Variants in CNKSR2 observed in about 807,000 individuals in gnomAD.
The protein encoded by CNKSR2 is CNK homolog protein 2.
A neutral mutation model predicts 84.4 loss-of-function variants in CNKSR2; 14 were observed. The observed-to-expected ratio is 0.17, with a 90% CI of 0.11 to 0.26. The LOEUF (loss-of-function observed/expected upper bound fraction) is 0.26, where lower values mean the gene tolerates loss of function less well. Ranked by LOEUF, CNKSR2 falls within the 10% of genes least tolerant of loss-of-function variation. The pLI is 1.00. For missense variants in CNKSR2, 485 were observed against 771.2 expected, an observed-to-expected ratio of 0.63 and a Z score of 4.40; for synonymous variants, 275 against 277.9, an observed-to-expected ratio of 0.99 and a Z score of 0.10.
rs1009235736 is a variant in CNKSR2 at position 21,414,195 on chromosome X, C to T, written c.65-12302C>T. Among the ~76,000 whole-genome samples, 38 of 110,953 alleles carry T rather than the reference C, an allele frequency of 3.4e-4. 2 individuals are homozygous for T. The highest frequency in any genetic ancestry group is 9.5e-5 in the Non-Finnish European group (5 of 52,857). On this transcript the variant is annotated intron_variant, in intron 1 of 21. Transcript: ENST00000379510. ...AATTTACATTCCCACCAACAGTATA[C>T]GAGGGTTGCCTTTTCTCCACATCCT...
At chrX:21,456,004 C>T (rs899839287) in intron 4 of CNKSR2, among the ~76,000 whole-genome samples, 1 of 111,031 alleles carries the variant, frequency 9.0e-6, no homozygotes, top group Admixed American at 9.6e-5. Flanking sequence ...GTAGTCTTTC[C>T]TTCCTTAACA....
chrX:21,378,769 G>A (rs777741525), intron 1 of CNKSR2, among the ~76,000 whole-genome samples: 1 of 110,718 alleles, frequency 9.0e-6, no homozygotes, highest in African/African-American at 3.3e-5. Flanking sequence ...TAATCTCTCT[G>A]GGTCAAATAA....
chrX:21,497,546 A>G (rs1253593075), intron 6 of CNKSR2, among the ~76,000 whole-genome samples: 1 of 111,550 alleles, frequency 9.0e-6, no homozygotes, highest in Non-Finnish European at 1.9e-5. Flanking sequence ...CTCACAGGCA[A>G]TTCACTTATC....
chrX:21,622,375 G>A (rs184099680), intron 20 of CNKSR2, among the ~76,000 whole-genome samples: 93 of 110,638 alleles, frequency 8.4e-4, no homozygotes, highest in African/African-American at 2.9e-3. Context: ...CTTAAACTAA[G>A]GCTTGTTCTA....
chrX:21,379,339 T>C (rs1249779883), intron 1 of CNKSR2, among the ~76,000 whole-genome samples: 2 of 112,583 alleles, frequency 1.8e-5, no homozygotes, highest in Non-Finnish European at 3.8e-5. Context: ...TGGCAGGAAC[T>C]GCAAATAAGC....
At chrX:21,459,835 C>T (rs906657259) in intron 4 of CNKSR2, among the ~76,000 whole-genome samples, 6 of 110,947 alleles carry the variant, frequency 5.4e-5, no homozygotes, top group Non-Finnish European at 9.4e-5. Flanking sequence ...ATCTAAACTC[C>T]TCACATTGTC....
chrX:21,436,509 A>G (rs913498897), intron 3 of CNKSR2, among the ~76,000 whole-genome samples: 2 of 110,802 alleles, frequency 1.8e-5, no homozygotes, highest in South Asian at 7.8e-4. Flanking sequence ...AATTTTTAAG[A>G]TTTAAATAGG....
chrX:21,520,060 T>C (rs2091767531), intron 9 of CNKSR2, among the ~76,000 whole-genome samples: 1 of 111,470 alleles, frequency 9.0e-6, no homozygotes, highest in South Asian at 3.7e-4. Context: ...TGAATTTTGA[T>C]TTGGATTTTC....
chrX:21,397,265 G>T (rs2090133521), intron 1 of CNKSR2, among the ~76,000 whole-genome samples: 1 of 111,303 alleles, frequency 9.0e-6, no homozygotes, highest in South Asian at 3.7e-4. Context: ...GGTTTGCTGT[G>T]CTGAATAATT....
chrX:21,437,419 GT>G lies in CNKSR2; in HGVS notation c.432-3255del, dbSNP rs749717203. Among the ~76,000 whole-genome samples the G allele has an allele frequency of 8.0e-3, 695 of 86,499 alleles. 3 individuals are homozygous for G. The highest frequency in any genetic ancestry group is 0.037 in the East Asian group (101 of 2,715). The allele number at this position is 86,499 out of a possible 115,157, so 75.1% of individuals were successfully genotyped here. A position where few individuals can be genotyped will look rare whatever the true frequency, so the allele number is the denominator to read the frequency against. On this transcript the variant is annotated intron_variant, in intron 3 of 21. Transcript: ENST00000379510. ...ATGCAGCAAAAATGGTCTCTATGTA[GT>G]TTTTTTTTTTTTTTTTTTTGAGACA...
intron 20 of CNKSR2, among the ~76,000 whole-genome samples, chrX:21,610,460 T>C (rs1012068039): frequency 1.8e-5 from 2 of 112,181 alleles, no homozygotes; most frequent in Admixed American, 9.5e-5. Context: ...AGAAAGAAAA[T>C]CTAGGTTTGG....
At chrX:21,545,955 C>A (rs1214964726) in intron 11 of CNKSR2, among the ~76,000 whole-genome samples, 1 of 111,733 alleles carries the variant, frequency 8.9e-6, no homozygotes, top group African/African-American at 3.3e-5. Context: ...GATAAATCCA[C>A]GAAGATGAAG....
In CNKSR2 at chrX:21,514,083, G is replaced by C. The variant is rs757047647; in HGVS notation, c.811-2402G>C. Among the ~76,000 whole-genome samples the C allele has an allele frequency of 8.1e-5, 9 of 111,730 alleles. No individual in the cohort carries two copies. The South Asian group carries it at 2.2e-3, about 27-fold the overall frequency. ...TATTTATGTACATTCTTTAACAAAAGTGGAATAAAATTATGTTTGCTATTT... is the reference window on the plus strand; with the variant it reads ...TATTTATGTACATTCTTTAACAAAACTGGAATAAAATTATGTTTGCTATTT... On this transcript the variant is annotated intron_variant, in intron 8 of 21. Transcript: ENST00000379510.
intron 1 of CNKSR2, among the ~76,000 whole-genome samples, chrX:21,375,397 C>T (rs766584600): frequency 1.4e-3 from 152 of 112,344 alleles, no homozygotes; most frequent in African/African-American, 4.7e-3. Flanking sequence ...CGGCGGCCGC[C>T]CTTGCCAGGT....
rs779720741 is a variant in CNKSR2 at position 21,609,536 on chromosome X, G to C, written c.2611G>C (p.Val871Leu). 1.7e-5 allele frequency: 21 copies of C among 1,211,001 alleles called. No individual in the cohort carries two copies. The South Asian group carries it at 3.7e-4, about 21-fold the overall frequency. ...PVSACDPQDD[V>L]QPPEVEEEEE... is the part of the protein sequence containing the mutation. ...TAGTGCCTGTGACCCACAGGATGACGTGCAACCCCCAGAGGTGGAGGAAGA... is the reference window on the plus strand; with the variant it reads ...TAGTGCCTGTGACCCACAGGATGACCTGCAACCCCCAGAGGTGGAGGAAGA... Residue 871 changes from valine to leucine, a missense_variant, in exon 20 of 22, where the codon GTG becomes CTG. By Grantham distance (32) the Val-to-Leu change is conservative. This residue lies in a region of CNKSR2 where 210 missense variants were observed against 291.5 expected (regional missense o/e 0.72). Coordinates refer to ENST00000379510, the MANE Select transcript of CNKSR2 (RefSeq NM_014927.5).
intron 7 of CNKSR2, among the ~76,000 whole-genome samples, chrX:21,499,821 C>T (rs1423677746): frequency 4.5e-5 from 5 of 110,288 alleles, no homozygotes; most frequent in Non-Finnish European, 9.5e-5. Flanking sequence ...TCTCTAGGAT[C>T]TCTTTTAAAA....
chrX:21,589,197 C>A (rs2092405972), intron 13 of CNKSR2, among the ~76,000 whole-genome samples: 1 of 112,245 alleles, frequency 8.9e-6, no homozygotes, highest in African/African-American at 3.2e-5. Flanking sequence ...GTGATTATTT[C>A]TGGAAAGCTT....
At chrX:21,532,701 A>C (rs1354146008) in intron 11 of CNKSR2, among the ~76,000 whole-genome samples, 1 of 111,961 alleles carries the variant, frequency 8.9e-6, no homozygotes, top group Admixed American at 9.5e-5. Context: ...TTGTTATAGT[A>C]TATCTGAAAG....
intron 1 of CNKSR2, among the ~76,000 whole-genome samples, chrX:21,402,236 A>G (rs2090201040): frequency 9.0e-6 from 1 of 111,530 alleles, no homozygotes; most frequent in East Asian, 2.8e-4. Flanking sequence ...GTAAGGACAT[A>G]GAGTTGCAAA....
Sources: allele counts gnomAD v4.1 joint callset (sites outside exome capture counted in the v4.1 genomes callset), GRCh38; gene constraint gnomAD v4.1.1; regional missense constraint gnomAD v4.1.1; transcripts MANE v1.5; gene names NCBI Gene and HGNC (gene_info 2026-07-23, HGNC 2026-07-21).